Variants in ATP6AP2 observed in about 807,000 individuals in gnomAD.
The protein encoded by ATP6AP2 is ATPase H+ transporting accessory protein 2.
Under a neutral mutation model 23.4 loss-of-function variants are expected in ATP6AP2, and 1 was observed. The observed-to-expected ratio is 0.04, with a 90% CI of 0.02 to 0.20. ATP6AP2 has a LOEUF of 0.20. ATP6AP2 is among the 10% of genes least tolerant of loss of function. The pLI, the probability that ATP6AP2 is intolerant of heterozygous loss-of-function variation, is 1.00. For synonymous variants in ATP6AP2, 90 were observed against 97.1 expected (o/e 0.93, Z 0.43); for missense variants, 174 against 271.3 (o/e 0.64, Z 2.52).
chrX:40,599,695 A>T lies in ATP6AP2; in HGVS notation c.692A>T (p.Glu231Val), dbSNP rs776952090. 1 of 1,209,910 alleles carries T rather than the reference A, an allele frequency of 8.3e-7. No individual in the cohort carries two copies. Among genetic ancestry groups the T allele is most frequent in the Admixed American group, 2.2e-5 (1 of 45,711 alleles). ...EIGKRYGEDSEQFRDASKILV... is the reference protein window; with the variant it reads ...EIGKRYGEDSVQFRDASKILV... ...GGGAAGCGTTATGGGGAAGACTCTG[A>T]ACAATTCAGAGATGCTTCTAAGATC... The change falls in exon 7 of 9, where the codon GAA (glutamate) becomes GTA (valine). Residue 231 changes from glutamate (E) to valine (V), a missense_variant. By Grantham distance (121) the Glu-to-Val change is moderately radical (BLOSUM62 -2). Transcript: ENST00000636580.
At chrX:40,587,718 C>T (rs1028890592) in intron 1 of ATP6AP2, among the ~76,000 whole-genome samples, 23 of 111,822 alleles carry the variant, frequency 2.1e-4, no homozygotes, top group Admixed American at 1.9e-4. Flanking sequence ...ATTAAAAAAT[C>T]AGCCAGGCAT....
intron 7 of ATP6AP2, 46 bp downstream of exon 7, chrX:40,599,787 T>A (rs763154205): frequency 4.2e-6 from 5 of 1,195,434 alleles, no homozygotes; most frequent in Non-Finnish European, 5.7e-6. Flanking sequence ...ACCATTTCAC[T>A]TTTAGCCTCT....
chrX:40,602,815 CTG>C (rs776870128), intron 8 of ATP6AP2, among the ~76,000 whole-genome samples: 1 of 105,478 alleles, frequency 9.5e-6, no homozygotes, highest in African/African-American at 3.5e-5. Flanking sequence ...AGAGGGTAGA[CTG>C]GAAATTTTTG....
chrX:40,581,380 T>A (rs1022913418), intron 1 of ATP6AP2, among the ~76,000 whole-genome samples: 1 of 113,186 alleles, frequency 8.8e-6, no homozygotes, highest in Non-Finnish European at 1.9e-5. Flanking sequence ...GCCGGCTTCT[T>A]GCGCCTGAAA....
intron 3 of ATP6AP2, among the ~76,000 whole-genome samples, chrX:40,595,454 T>C (rs1414302347): frequency 8.9e-6 from 1 of 112,578 alleles, no homozygotes; most frequent in African/African-American, 3.2e-5. Flanking sequence ...AAAACCATCA[T>C]TCGATATTAA....
intron 6 of ATP6AP2, chrX:40,598,954 CCAAGAACA>C (rs1926838013): frequency 2.4e-6 from 1 of 417,263 alleles, no homozygotes; most frequent in East Asian, 4.1e-5. Context: ...AACATATCTT[CCAAGAACA>C]CAAGCCTGGG....
chrX:40,581,900 A>G (rs1926336393), intron 1 of ATP6AP2, among the ~76,000 whole-genome samples: 2 of 112,131 alleles, frequency 1.8e-5, no homozygotes, highest in South Asian at 7.3e-4. Context: ...TGATCAACCT[A>G]AATAAATTAC....
rs758140053 is a variant in ATP6AP2 at position 40,597,674 on chromosome X, G to C, written c.534+10G>C. The C allele has an allele frequency of 2.8e-4, 336 of 1,189,170 alleles. 2 individuals are homozygous for C. The South Asian group carries it at 5.7e-3, about 20-fold the overall frequency. On this transcript the variant is annotated intron_variant, in intron 5 of 8. Coordinates refer to ENST00000636580, the MANE Select transcript of ATP6AP2 (RefSeq NM_005765.3). ...GAGTAGGAACAATGAAGTAAGTGCA[G>C]TTATTCAATGAATACATGAATATCA...
chrX:40,587,789 A>G (rs758136150), intron 1 of ATP6AP2, among the ~76,000 whole-genome samples: 1 of 112,564 alleles, frequency 8.9e-6, no homozygotes, highest in South Asian at 3.6e-4. Context: ...TGAGGCAGGA[A>G]GATCACTTGG....
rs752451700 is a variant in ATP6AP2 at position 40,599,747 on chromosome X, TATC to T, written c.738+8_738+10del. ...TTGTTGACGCTCTGCAAAAGGTAAA[TATC>T]AATGCGACATGAGAGGTTGGAGTAT... On this transcript the variant is annotated splice_region_variant and intron_variant, in intron 7 of 8. Coordinates refer to ENST00000636580, the MANE Select transcript of ATP6AP2 (RefSeq NM_005765.3). The T allele has an allele frequency of 8.3e-7, 1 of 1,210,132 alleles. No individual in the cohort carries two copies. Among genetic ancestry groups the T allele is most frequent in the East Asian group, 3.0e-5 (1 of 33,797 alleles).
chrX:40,602,341 T>A (rs1419352709), intron 8 of ATP6AP2, among the ~76,000 whole-genome samples: 1 of 95,675 alleles, frequency 1.0e-5, no homozygotes, highest in Non-Finnish European at 1.9e-5. Context: ...AAAGGGAAAT[T>A]CTCTTACAGA....
At chrX:40,591,152 T>C in intron 2 of ATP6AP2, 82 bp from the exon 3 acceptor site, 7 of 1,150,880 alleles carry the variant, frequency 6.1e-6, no homozygotes, top group Non-Finnish European at 8.3e-6. Flanking sequence ...CAGAACCCCT[T>C]AACTCTGCTT....
intron 3 of ATP6AP2, 169 bp from the exon 4 acceptor site, chrX:40,597,080 T>A: frequency 2.2e-6 from 1 of 452,528 alleles, no homozygotes; most frequent in South Asian, 3.4e-5. Flanking sequence ...AGGGGGCTGT[T>A]TAATCTTCTG....
chrX:40,591,525 C>T, intron 3 of ATP6AP2, 160 bp downstream of exon 3: 2 of 635,283 alleles, frequency 3.1e-6, no homozygotes, highest in Non-Finnish European at 4.8e-6. Flanking sequence ...AAGAAAATTA[C>T]ATGATGATTG....
chrX:40,598,545 C>A, intron 5 of ATP6AP2, 136 bp from the exon 6 acceptor site: 1 of 637,153 alleles, frequency 1.6e-6, no homozygotes, highest in Non-Finnish European at 2.6e-6. Context: ...AGCAAACATA[C>A]CAAATGGAAG....
intron 1 of ATP6AP2, among the ~76,000 whole-genome samples, chrX:40,585,387 G>A (rs763731828): frequency 8.9e-6 from 1 of 111,878 alleles, no homozygotes; most frequent in East Asian, 2.8e-4. Context: ...CAGAGGAGAA[G>A]CAGCCAAAGG....
intron 8 of ATP6AP2, 180 bp downstream of exon 8, chrX:40,601,061 A>G (rs1926893413): frequency 2.2e-6 from 1 of 449,279 alleles, no homozygotes. Context: ...GCCAGTGATG[A>G]TCAGTTCTTT....
Position 40,584,364 on chromosome X carries a change from CTTTT to C in ATP6AP2, c.37+3276_37+3279del, listed in dbSNP as rs35576735. Among the ~76,000 whole-genome samples the C allele has an allele frequency of 3.5e-3, 307 of 87,275 alleles. 1 individual carries two copies. Among genetic ancestry groups the C allele is most frequent in the African/African-American group, 0.013 (299 of 23,725 alleles). 75.8% of individuals were successfully genotyped at this position (87,275 alleles called of 115,157 possible). A position where few individuals can be genotyped will look rare whatever the true frequency, so the allele number is the denominator to read the frequency against. On this transcript the variant is annotated intron_variant, in intron 1 of 8. Transcript: ENST00000636580. Reference sequence around the variant, plus strand: ...GTGAGCCATCGCACCCAGCCTCTATCTTTTTTTTTTTTTTTTTCCTTTTTTGAGA... The same window carrying C: ...GTGAGCCATCGCACCCAGCCTCTATCTTTTTTTTTTTTTCCTTTTTTGAGA...
intron 8 of ATP6AP2, among the ~76,000 whole-genome samples, chrX:40,604,492 A>G (rs1927020134): frequency 9.0e-6 from 1 of 111,219 alleles, no homozygotes; most frequent in African/African-American, 3.3e-5. Flanking sequence ...GTATGGGGGA[A>G]ACTGCCCCCA....
Sources: allele counts gnomAD v4.1 joint callset (sites outside exome capture counted in the v4.1 genomes callset), GRCh38; gene constraint gnomAD v4.1.1; transcripts MANE v1.5; gene names NCBI Gene and HGNC (gene_info 2026-07-23, HGNC 2026-07-21).